The following NTNG1 variants were observed in gnomAD, a reference collection of about 807,000 sequenced individuals.
NTNG1 encodes netrin G1.
In NTNG1, 16 loss-of-function variants were observed where a neutral mutation model predicts 54.0. The observed-to-expected ratio is 0.30, with a 90% CI of 0.20 to 0.45. The LOEUF (loss-of-function observed/expected upper bound fraction) is 0.45. Ranked by LOEUF, NTNG1 falls within the 20% of genes least tolerant of loss-of-function variation. NTNG1 has a pLI of 1.00. For synonymous variants in NTNG1, 255 were observed against 263.1 expected (o/e 0.97, Z 0.30); for missense variants, 530 against 678.7 (o/e 0.78, Z 2.43).
intron 2 of NTNG1, among the ~76,000 whole-genome samples, chr1:107,180,886 T>C (rs1170834501): frequency 1.3e-5 from 2 of 152,224 alleles, no homozygotes; most frequent in African/African-American, 2.4e-5. Flanking sequence ...ATCTCCTAGA[T>C]AATATTTCTT....
chr1:107,280,143 G>A (rs1288878851), intron 2 of NTNG1, among the ~76,000 whole-genome samples: 5 of 106,274 alleles, frequency 4.7e-5, no homozygotes, highest in Admixed American at 2.1e-4. Flanking sequence ...TGTATGATGT[G>A]TTTCGGTGCT....
intron 3 of NTNG1, among the ~76,000 whole-genome samples, chr1:107,368,037 C>A (rs1399156932): frequency 1.3e-5 from 2 of 152,130 alleles, no homozygotes; most frequent in Non-Finnish European, 2.9e-5. Context: ...GGATTACAGT[C>A]ATGAGCCACC....
At chr1:107,199,166 A>T (rs899190018) in intron 2 of NTNG1, among the ~76,000 whole-genome samples, 2 of 151,794 alleles carry the variant, frequency 1.3e-5, no homozygotes, top group African/African-American at 4.8e-5. Context: ...TAATAATACC[A>T]TATATTCTAT....
At chr1:107,289,458 G>A (rs1274554112) in intron 2 of NTNG1, among the ~76,000 whole-genome samples, 2 of 152,154 alleles carry the variant, frequency 1.3e-5, no homozygotes, top group Non-Finnish European at 2.9e-5. Context: ...TTAACAGACA[G>A]ATACTTGCCT....
chr1:107,321,368 A>G (rs952781745), intron 2 of NTNG1, among the ~76,000 whole-genome samples: 1 of 152,084 alleles, frequency 6.6e-6, no homozygotes, highest in African/African-American at 2.4e-5. Flanking sequence ...GTGCCAAGCA[A>G]TGAAGAACTT....
intron 5 of NTNG1, 200 bp from the exon 6 acceptor site, chr1:107,430,550 G>A (rs1009582229): frequency 2.8e-6 from 2 of 717,204 alleles, no homozygotes; most frequent in African/African-American, 1.7e-5. Context: ...CCGAATGTCC[G>A]ACCTTTCTAT....
intron 2 of NTNG1, among the ~76,000 whole-genome samples, chr1:107,220,346 C>A (rs1227577697): frequency 1.3e-5 from 2 of 152,204 alleles, no homozygotes; most frequent in Non-Finnish European, 2.9e-5. Context: ...ATTCTCTCAG[C>A]TTTCCTGGTA....
chr1:107,295,738 A>C (rs1322390392), intron 2 of NTNG1, among the ~76,000 whole-genome samples: 2 of 152,140 alleles, frequency 1.3e-5, no homozygotes, highest in African/African-American at 4.8e-5. Context: ...ATATATACAC[A>C]TACATATATA....
intron 2 of NTNG1, among the ~76,000 whole-genome samples, chr1:107,191,932 A>T (rs1657976655): frequency 6.6e-6 from 1 of 152,110 alleles, no homozygotes; most frequent in Non-Finnish European, 1.5e-5. Flanking sequence ...GTTCCATATG[A>T]ACTTTAAAGT....
chr1:107,293,153 C>T (rs1665727906), intron 2 of NTNG1, among the ~76,000 whole-genome samples: 1 of 151,804 alleles, frequency 6.6e-6, no homozygotes, highest in South Asian at 2.1e-4. Flanking sequence ...AAAATGTAAC[C>T]AAAAATAAGT....
chr1:107,316,520 A>G lies in NTNG1; in HGVS notation c.247-7762A>G, dbSNP rs1667347879. On this transcript the variant is annotated intron_variant, in intron 2 of 7. Coordinates refer to ENST00000370068, the MANE Select transcript of NTNG1 (RefSeq NM_001113226.3). ...TTGGTGGGTTTGAGCACATACCTCCAAATCTGCCCCATGCATGAAATGTCT... is the reference window on the plus strand; with the variant it reads ...TTGGTGGGTTTGAGCACATACCTCCGAATCTGCCCCATGCATGAAATGTCT... 2.6e-5 allele frequency among the ~76,000 whole-genome samples: 4 copies of G among 152,190 alleles called. No homozygotes were observed. The South Asian group carries it at 8.3e-4, about 32-fold the overall frequency.
chr1:107,190,619 TC>T (rs1421270320), intron 2 of NTNG1, among the ~76,000 whole-genome samples: 1 of 152,026 alleles, frequency 6.6e-6, no homozygotes, highest in African/African-American at 2.4e-5. Flanking sequence ...ATGTTCCCCT[TC>T]CTGTGTCCAA....
intron 3 of NTNG1, among the ~76,000 whole-genome samples, chr1:107,352,179 C>T (rs1033491898): frequency 6.6e-6 from 1 of 152,224 alleles, no homozygotes; most frequent in African/African-American, 2.4e-5. Flanking sequence ...GTTATGGGCT[C>T]TGGAGTACAG....
chr1:107,194,053 G>T (rs1206450283), intron 2 of NTNG1, among the ~76,000 whole-genome samples: 1 of 151,790 alleles, frequency 6.6e-6, no homozygotes, highest in Non-Finnish European at 1.5e-5. Context: ...CTACCAAACT[G>T]CTTGAAATCA....
At chr1:107,187,557 G>A (rs1405646553) in intron 2 of NTNG1, among the ~76,000 whole-genome samples, 1 of 152,144 alleles carries the variant, frequency 6.6e-6, no homozygotes, top group African/African-American at 2.4e-5. Flanking sequence ...TAGCAGGATA[G>A]GGGGTTGCCC....
chr1:107,185,492 C>A lies in NTNG1; in HGVS notation c.246+36653C>A, dbSNP rs1171201590. 2.0e-5 allele frequency among the ~76,000 whole-genome samples: 3 copies of A among 152,232 alleles called. No individual in the cohort carries two copies. The East Asian group carries it at 5.8e-4, about 29-fold the overall frequency. On this transcript the variant is annotated intron_variant, in intron 2 of 7. Transcript: ENST00000370068. ...TTTCTTCTTCTTAGAAGGACACAAACCATATTGGAATTAGGGTCCATCCTA... is the reference window on the plus strand; with the variant it reads ...TTTCTTCTTCTTAGAAGGACACAAAACATATTGGAATTAGGGTCCATCCTA...
intron 3 of NTNG1, among the ~76,000 whole-genome samples, chr1:107,350,028 C>A (rs991635492): frequency 1.1e-4 from 17 of 152,206 alleles, no homozygotes; most frequent in African/African-American, 3.1e-4. Flanking sequence ...TTTTCAACAG[C>A]AGGTCTAAAA....
At chr1:107,194,227 G>A (rs990110948) in intron 2 of NTNG1, among the ~76,000 whole-genome samples, 2 of 151,952 alleles carry the variant, frequency 1.3e-5, no homozygotes, top group African/African-American at 4.8e-5. Flanking sequence ...GCTTTCCAAA[G>A]CTGTTTGGAA....
intron 2 of NTNG1, among the ~76,000 whole-genome samples, chr1:107,286,947 A>C (rs1665236979): frequency 1.3e-5 from 2 of 152,160 alleles, no homozygotes; most frequent in Non-Finnish European, 2.9e-5. Flanking sequence ...AACACTAAGC[A>C]CTGTATCCTT....
Sources: gnomAD v4.1 joint callset for allele counts (sites outside exome capture counted in the v4.1 genomes callset) on GRCh38, gnomAD v4.1.1 for gene constraint, MANE v1.5 for transcripts, NCBI Gene and HGNC (gene_info 2026-07-23, HGNC 2026-07-21) for gene names.